Variants in LYAR observed in about 807,000 individuals in gnomAD.
The protein encoded by LYAR is Ly1 antibody reactive, also known as cell growth-regulating nucleolar protein.
LYAR carries 37 observed loss-of-function variants against 45.2 expected under a neutral mutation model. The observed-to-expected ratio is 0.82, with a 90% CI of 0.63 to 1.08. The LOEUF is 1.08. LYAR is among the 50% of genes least tolerant of loss of function. LYAR has a pLI of 0.00. For missense variants in LYAR, 493 were observed against 451.0 expected (o/e 1.09, Z -0.84); for synonymous variants, 176 against 155.1 (o/e 1.14, Z -1.00).
chr4:4,275,632 C>T (rs974862009), intron 6 of LYAR, among the ~76,000 whole-genome samples: 7 of 151,916 alleles, frequency 4.6e-5, no homozygotes, highest in Admixed American at 6.6e-5. Flanking sequence ...TCTGTAGAGA[C>T]GGGGTCACCA....
intron 7 of LYAR, 66 bp downstream of exon 7, chr4:4,274,301 A>C: frequency 6.5e-7 from 1 of 1,539,128 alleles, no homozygotes; most frequent in Non-Finnish European, 8.8e-7. Flanking sequence ...TAACAGGCTT[A>C]AATATCCCAA....
intron 8 of LYAR, among the ~76,000 whole-genome samples, chr4:4,269,525 T>C (rs988918498): frequency 1.6e-4 from 24 of 152,112 alleles, no homozygotes; most frequent in African/African-American, 5.1e-4. Flanking sequence ...GCCCCTGCTG[T>C]GATGTCAGTG....
In LYAR at chr4:4,274,463, C is replaced by T. The variant is rs1457012500; in HGVS notation, c.736G>A (p.Gly246Arg). ...TGCTTCTTCTTCTTGCTCCTCTTCC[C>T]TGCAGAGCCATTGGCCTCAGGGACT... ...EEVPEANGSA[G>R]KRSKKKKQRK... is the part of the protein sequence containing the mutation. The change falls in exon 7 of 10, where the codon GGG (glycine) becomes AGG (arginine). Residue 246 changes from glycine to arginine, a missense_variant. By Grantham distance (125) the Gly-to-Arg change is moderately radical (BLOSUM62 -2). Coordinates refer to ENST00000343470, the MANE Select transcript of LYAR (RefSeq NM_017816.3). 2 of 1,614,072 alleles carry T rather than the reference C, an allele frequency of 1.2e-6. No individual in the cohort carries two copies. Among genetic ancestry groups the T allele is most frequent in the Admixed American group, 3.3e-5 (2 of 60,006 alleles).
chr4:4,283,101 C>T (rs1392129450), intron 3 of LYAR, among the ~76,000 whole-genome samples: 1 of 152,174 alleles, frequency 6.6e-6, no homozygotes, highest in Admixed American at 6.5e-5. Context: ...TTCCCCTTCC[C>T]CTAGTCTTTT....
Position 4,283,702 on chromosome 4 carries a change from T to A in LYAR, c.41A>T (p.Lys14Met). 6.2e-7 allele frequency: 1 copy of A among 1,612,712 alleles called. No individual in the cohort carries two copies. Residue 14 changes from lysine to methionine, a missense_variant, in exon 3 of 10, where the codon AAG (lysine) becomes ATG (methionine). Lys to Met is a moderately conservative substitution (Grantham distance 95). Transcript: ENST00000343470. ...CACATGCTTTTCCACTTGTATTTTC[T>A]TCACTGATTCACCACATGCATTGCA... ...FTCNACGESVKKIQVEKHVSV... is the reference protein window; with the variant it reads ...FTCNACGESVMKIQVEKHVSV...
At chr4:4,276,543 CAAAA>C (rs55900346) in intron 6 of LYAR, among the ~76,000 whole-genome samples, 4 of 131,452 alleles carry the variant, frequency 3.0e-5, no homozygotes, top group Middle Eastern at 4.0e-3. Flanking sequence ...AACTCTGTCT[CAAAA>C]AAAAAAAAAA....
chr4:4,274,231 C>A (rs527329590), intron 7 of LYAR, 136 bp downstream of exon 7: 5 of 1,004,674 alleles, frequency 5.0e-6, no homozygotes, highest in South Asian at 4.9e-5. Flanking sequence ...AGCAAGACTC[C>A]GTCTCAAAAA....
chr4:4,275,183 G>C (rs951487004), intron 6 of LYAR, among the ~76,000 whole-genome samples: 2 of 152,164 alleles, frequency 1.3e-5, no homozygotes, highest in South Asian at 2.1e-4. Flanking sequence ...AGGTGACTAA[G>C]GGCAAGTCAT....
At chr4:4,274,288 G>A in intron 7 of LYAR, 79 bp downstream of exon 7, 2 of 1,483,120 alleles carry the variant, frequency 1.3e-6, no homozygotes, top group South Asian at 1.3e-5. Flanking sequence ...AAAACGCTAG[G>A]TCTAACAGGC....
intron 3 of LYAR, among the ~76,000 whole-genome samples, 190 bp downstream of exon 3, chr4:4,283,431 G>A (rs1257543747): frequency 1.3e-5 from 2 of 152,220 alleles, no homozygotes; most frequent in Non-Finnish European, 2.9e-5. Flanking sequence ...TTACAGGCCT[G>A]AGCCACTGCG....
Position 4,281,915 on chromosome 4 carries a change from G to A in LYAR, c.123-18C>T. 6.4e-7 allele frequency: 1 copy of A among 1,571,560 alleles called. No homozygotes were observed. The highest frequency in any genetic ancestry group is 8.8e-7 in the Non-Finnish European group (1 of 1,141,796). On this transcript the variant is annotated intron_variant, in intron 3 of 9. Transcript: ENST00000343470. ...CATCGCCCCTTTAAAGTGATCAAAA[G>A]TTCTGCCATTAGACTGATACCCAAG...
chr4:4,268,716 A>G, intron 8 of LYAR, 101 bp from the exon 9 acceptor site: 1 of 718,950 alleles, frequency 1.4e-6, no homozygotes, highest in Non-Finnish European at 2.3e-6. Flanking sequence ...CCAGGAAATG[A>G]GCTAACCCTC....
chr4:4,284,858 G>A (rs1019535003), intron 2 of LYAR, among the ~76,000 whole-genome samples: 6 of 152,136 alleles, frequency 3.9e-5, no homozygotes, highest in Non-Finnish European at 8.8e-5. Flanking sequence ...CAAGTAAACC[G>A]ATGCAATTTA....
chr4:4,282,788 G>C (rs966872080), intron 3 of LYAR, among the ~76,000 whole-genome samples: 4 of 152,188 alleles, frequency 2.6e-5, no homozygotes, highest in Non-Finnish European at 5.9e-5. Flanking sequence ...CTCAGTGGAA[G>C]TGTCTCCTGA....
intron 6 of LYAR, among the ~76,000 whole-genome samples, chr4:4,275,887 G>C (rs980006851): frequency 6.6e-6 from 1 of 152,066 alleles, no homozygotes; most frequent in African/African-American, 2.4e-5. Flanking sequence ...GTAGAGACAG[G>C]GTTTCACCAT....
rs185716819 is a variant in LYAR, at chr4:4,286,929, G to T, written c.-107-357C>A. 1.0e-3 allele frequency among the ~76,000 whole-genome samples: 159 copies of T among 152,258 alleles called. 1 individual carries two copies. Among genetic ancestry groups the T allele is most frequent in the African/African-American group, 3.3e-3 (138 of 41,540 alleles). On this transcript the variant is annotated intron_variant, in intron 1 of 9. Transcript: ENST00000343470. Reference sequence around the variant, plus strand: ...GCCTCCCAAAGTGCTGGGATTACAGGCGTGAGCCACCGCGCCCGGCCTTAA... The same window carrying T: ...GCCTCCCAAAGTGCTGGGATTACAGTCGTGAGCCACCGCGCCCGGCCTTAA...
intron 6 of LYAR, among the ~76,000 whole-genome samples, 182 bp downstream of exon 6, chr4:4,279,265 G>A (rs530901428): frequency 1.3e-5 from 2 of 152,296 alleles, no homozygotes; most frequent in Admixed American, 1.3e-4. Context: ...CCCAGAGGCA[G>A]AAGTTGCAGT....
rs1194362600 is a variant in LYAR, at chr4:4,274,553, T to C, written c.646A>G (p.Arg216Gly). 1.2e-6 allele frequency: 2 copies of C among 1,614,050 alleles called. No homozygotes were observed. Among genetic ancestry groups the C allele is most frequent in the South Asian group, 2.2e-5 (2 of 91,026 alleles). Reference sequence around the variant, plus strand: ...TTGCGCTTCTTAGGCTTCTGATTCCTTGAGTTTTCCTGGTGGTTTTCTAAC... The same window carrying C: ...TTGCGCTTCTTAGGCTTCTGATTCCCTGAGTTTTCCTGGTGGTTTTCTAAC... ...LKLENHQENS[R>G]NQKPKKRKKG... The change falls in exon 7 of 10, where the codon AGG becomes GGG. Residue 216 changes from arginine (R) to glycine (G), a missense_variant. Physicochemically the swap from Arg to Gly is moderately radical, Grantham distance 125. Transcript: ENST00000343470.
Position 4,268,530 on chromosome 4 carries a change from CT to C in LYAR, c.1004del (p.Lys335ArgfsTer3). The part of the protein sequence containing the change: ...NEITIKKLRK[K>X]VLAQYYTVTD... ...ACGTGGGTTTGTTCATATGCCATAC[CT>C]TTTTCCTTAGCTTTTTGATGGTTAT... On this transcript the variant is annotated frameshift_variant and splice_region_variant, in exon 9 of 10. Transcript: ENST00000343470. LOFTEE classifies it high-confidence loss of function. 4 of 1,607,548 alleles carry C rather than the reference CT, an allele frequency of 2.5e-6. No homozygotes were observed. The highest frequency in any genetic ancestry group is 2.2e-5 in the South Asian group (2 of 90,468).
Sources: gnomAD v4.1 joint callset for allele counts (sites outside exome capture counted in the v4.1 genomes callset) on GRCh38, gnomAD v4.1.1 for gene constraint, MANE v1.5 for transcripts, NCBI Gene and HGNC (gene_info 2026-07-23, HGNC 2026-07-21) for gene names.